Variants in AFF3 observed in about 807,000 individuals in gnomAD.
AFF3 encodes the protein ALF transcription elongation factor 3.
A neutral mutation model predicts 129.7 loss-of-function variants in AFF3; 32 were observed. The observed-to-expected ratio is 0.25, with a 90% CI of 0.19 to 0.33. AFF3 has a LOEUF of 0.33. Ranked by LOEUF, AFF3 falls within the 10% of genes least tolerant of loss-of-function variation. The pLI, the probability that AFF3 is intolerant of heterozygous loss-of-function variation, is 1.00. For missense variants in AFF3, 1,373 were observed against 1,592.0 expected (o/e 0.86, Z 2.34); for synonymous variants, 644 against 635.4 (o/e 1.01, Z -0.20).
chr2:99,569,635 G>A (rs1676296018), intron 18 of AFF3, among the ~76,000 whole-genome samples: 2 of 152,180 alleles, frequency 1.3e-5, no homozygotes, highest in African/African-American at 2.4e-5. Context: ...CTCATCCAGA[G>A]ACTGATTTGA....
intron 11 of AFF3, among the ~76,000 whole-genome samples, chr2:99,681,599 G>T (rs80085263): frequency 0.015 from 2,274 of 152,298 alleles, 55 homozygotes; most frequent in African/African-American, 0.053. Flanking sequence ...TAGTGCCCCT[G>T]TAAGAGAGAC....
chr2:99,589,334 T>C (rs1463657738), intron 15 of AFF3, among the ~76,000 whole-genome samples: 1 of 151,548 alleles, frequency 6.6e-6, no homozygotes, highest in African/African-American at 2.4e-5. Flanking sequence ...TGCCAAGTAT[T>C]ACTGAGTTGC....
intron 7 of AFF3, among the ~76,000 whole-genome samples, chr2:99,995,972 A>G (rs1230526367): frequency 6.6e-6 from 1 of 152,260 alleles, no homozygotes; most frequent in African/African-American, 2.4e-5. Context: ...TCATTTTGGA[A>G]TTATAAATTG....
chr2:99,604,863 T>C (rs1021205946), intron 13 of AFF3, among the ~76,000 whole-genome samples: 2 of 152,220 alleles, frequency 1.3e-5, no homozygotes, highest in East Asian at 1.9e-4. Flanking sequence ...ATCAAAGCCA[T>C]TGGACATCAT....
rs1410879436 is a variant in AFF3, at chr2:99,549,176, C to G, written c.*2298G>C. 9.2e-6 allele frequency: 2 copies of G among 217,178 alleles called. No homozygotes were observed. The highest frequency in any genetic ancestry group is 1.9e-5 in the Non-Finnish European group (2 of 108,068). The allele number at this position is 217,178 out of a possible 1,614,324, so 13.5% of individuals were successfully genotyped here. ...CCCTTTATGTGTTTGAATATTTCATCAGGATTCTTCAAGAGTAGGTAGAAC... is the reference window on the plus strand; with the variant it reads ...CCCTTTATGTGTTTGAATATTTCATGAGGATTCTTCAAGAGTAGGTAGAAC... On this transcript the variant is annotated 3_prime_UTR_variant, in exon 25 of 25. Transcript: ENST00000672756.
intron 8 of AFF3, among the ~76,000 whole-genome samples, chr2:99,802,544 T>C (rs1308547503): frequency 6.6e-6 from 1 of 152,122 alleles, no homozygotes; most frequent in Admixed American, 6.5e-5. Flanking sequence ...GCGCCTGTAG[T>C]CCTAGCTACT....
At chr2:100,049,856 C>G (rs1425035278) in intron 4 of AFF3, among the ~76,000 whole-genome samples, 3 of 152,150 alleles carry the variant, frequency 2.0e-5, no homozygotes, top group African/African-American at 7.2e-5. Flanking sequence ...CCCCAAACTT[C>G]AAGAAACATT....
At chr2:100,105,470 C>G in intron 3 of AFF3, 34 bp downstream of exon 3, 1 of 1,325,130 alleles carries the variant, frequency 7.5e-7, no homozygotes, top group Non-Finnish European at 1.0e-6. Context: ...CTGGCCAGCC[C>G]TGGAAACCAA....
rs767170244 is a variant in AFF3 at position 99,593,531 on chromosome 2, C to A, written c.2130G>T (p.Glu710Asp). 61 of 1,613,150 alleles carry A rather than the reference C, an allele frequency of 3.8e-5. No individual in the cohort carries two copies. The East Asian group carries it at 1.3e-3, about 34-fold the overall frequency. ...ASSGNDQRLK[E>D]AAANGGSGPR... ...GACCACTGCCCCCGTTGGCAGCGGC[C>A]TCCTTCAGCCTCTGATCATTCCCGG... The change falls in exon 15 of 25, where the codon GAG becomes GAT. Residue 710 changes from glutamate to aspartate, a missense_variant. By Grantham distance (45) the Glu-to-Asp change is conservative. Transcript: ENST00000672756.
intron 7 of AFF3, among the ~76,000 whole-genome samples, chr2:99,910,814 T>C (rs1221396912): frequency 6.6e-6 from 1 of 152,268 alleles, no homozygotes; most frequent in Non-Finnish European, 1.5e-5. Context: ...AATAGCATTG[T>C]AGTTTGGAAG....
intron 11 of AFF3, among the ~76,000 whole-genome samples, chr2:99,723,953 C>T (rs1292804557): frequency 6.6e-6 from 1 of 152,122 alleles, no homozygotes; most frequent in Non-Finnish European, 1.5e-5. Flanking sequence ...AGGAGAGAGG[C>T]CGGGGATAAC....
chr2:99,821,920 C>T (rs756014530), intron 8 of AFF3, among the ~76,000 whole-genome samples: 1 of 152,162 alleles, frequency 6.6e-6, no homozygotes, highest in African/African-American at 2.4e-5. Flanking sequence ...ACAAAGGCAG[C>T]CAGGGCACAA....
intron 4 of AFF3, among the ~76,000 whole-genome samples, chr2:100,080,065 C>G (rs1183164730): frequency 6.6e-6 from 1 of 152,198 alleles, no homozygotes; most frequent in Admixed American, 6.5e-5. Context: ...GAATAAGAAC[C>G]AGAATTTACA....
rs1457102744 is a variant in AFF3 at position 99,650,762 on chromosome 2, ATTTGT to A, written c.1144-1101_1144-1097del. 2.0e-5 allele frequency among the ~76,000 whole-genome samples: 3 copies of A among 147,856 alleles called. No homozygotes were observed. The East Asian group carries it at 5.9e-4, about 29-fold the overall frequency. ...TTCATTTTGTATTGAAAATGTATTGATTTGTTTTTTGTTTTTTTCTTCTACTAAAA... is the reference window on the plus strand; with the variant it reads ...TTCATTTTGTATTGAAAATGTATTGATTTTTGTTTTTTTCTTCTACTAAAA... On this transcript the variant is annotated intron_variant, in intron 12 of 24. Coordinates refer to ENST00000672756, the MANE Select transcript of AFF3 (RefSeq NM_001386135.1).
chr2:99,602,814 T>G (rs1679967393), intron 13 of AFF3, among the ~76,000 whole-genome samples: 1 of 152,214 alleles, frequency 6.6e-6, no homozygotes, highest in Non-Finnish European at 1.5e-5. Flanking sequence ...AAATCTTTGA[T>G]ACGTGCTTTG....
chr2:100,105,706 C>G, intron 2 of AFF3, 123 bp from the exon 3 acceptor site: 2 of 1,359,294 alleles, frequency 1.5e-6, no homozygotes, highest in African/African-American at 1.5e-5. Flanking sequence ...ATGTCTCCAT[C>G]AGGGCCCTAC....
intron 4 of AFF3, among the ~76,000 whole-genome samples, chr2:100,090,969 C>T (rs1419787706): frequency 6.6e-6 from 1 of 152,170 alleles, no homozygotes; most frequent in African/African-American, 2.4e-5. Flanking sequence ...GGATTACAGG[C>T]GTGAGCCACC....
chr2:100,060,101 C>T (rs1416248672), intron 4 of AFF3, among the ~76,000 whole-genome samples: 1 of 152,176 alleles, frequency 6.6e-6, no homozygotes, highest in Non-Finnish European at 1.5e-5. Flanking sequence ...CACCCTCCAT[C>T]CTCCTTTGGT....
At chr2:99,868,433 G>A (rs1027950076) in intron 7 of AFF3, among the ~76,000 whole-genome samples, 1 of 152,158 alleles carries the variant, frequency 6.6e-6, no homozygotes, top group African/African-American at 2.4e-5. Context: ...CAGGCCAGGC[G>A]AGCGAGTGTC....
Sources: allele counts gnomAD v4.1 joint callset (sites outside exome capture counted in the v4.1 genomes callset), GRCh38; gene constraint gnomAD v4.1.1; transcripts MANE v1.5; gene names NCBI Gene and HGNC (gene_info 2026-07-23, HGNC 2026-07-21).